Variants in BPIFB1 observed in about 807,000 individuals in gnomAD.
BPIFB1 encodes BPI fold containing family B member 1, also known as BPI fold-containing family B member 1.
In BPIFB1, 34 loss-of-function variants were observed where a neutral mutation model predicts 55.1. That is an observed-to-expected ratio of 0.62 (90% CI 0.47 to 0.82). The LOEUF is 0.82. Among genes scored for constraint, BPIFB1 ranks in the 40% least tolerant of loss-of-function variants. BPIFB1 has a pLI of 0.00. For synonymous variants in BPIFB1, 236 were observed against 245.3 expected (o/e 0.96, Z 0.35); for missense variants, 532 against 593.1 (o/e 0.90, Z 1.07).
In BPIFB1 at chr20:33,302,432, G is replaced by T. The variant is rs1305884172; in HGVS notation, c.981+20G>T. Reference sequence around the variant, plus strand: ...GAAAAGGTTGGTCTGTTTGCCATCTGCAGCTTGAGGGGTGTTTGCTGTGGT... The same window carrying T: ...GAAAAGGTTGGTCTGTTTGCCATCTTCAGCTTGAGGGGTGTTTGCTGTGGT... On this transcript the variant is annotated intron_variant, in intron 10 of 15. Coordinates refer to ENST00000253354, the MANE Select transcript of BPIFB1 (RefSeq NM_033197.3). 6.2e-7 allele frequency: 1 copy of T among 1,613,752 alleles called. No homozygotes were observed. The highest frequency in any genetic ancestry group is 8.5e-7 in the Non-Finnish European group (1 of 1,179,840).
chr20:33,305,977 A>G, intron 13 of BPIFB1, 25 bp from the exon 14 acceptor site: 2 of 1,613,380 alleles, frequency 1.2e-6, no homozygotes, highest in Non-Finnish European at 8.5e-7. Flanking sequence ...AACCAGGGTG[A>G]CAGTGCCCCT....
intron 1 of BPIFB1, among the ~76,000 whole-genome samples, chr20:33,283,592 C>T (rs940584306): frequency 6.6e-6 from 1 of 152,130 alleles, no homozygotes; most frequent in African/African-American, 2.4e-5. Flanking sequence ...CTCTGTCCCT[C>T]AAAGAACTCC....
intron 3 of BPIFB1, 24 bp from the exon 4 acceptor site, chr20:33,289,861 T>C: frequency 1.9e-6 from 3 of 1,598,086 alleles, no homozygotes; most frequent in Non-Finnish European, 2.6e-6. Flanking sequence ...GGCATGATTC[T>C]GATCTCTCCT....
At chr20:33,302,759 C>A in intron 10 of BPIFB1, 157 bp from the exon 11 acceptor site, 1 of 830,564 alleles carries the variant, frequency 1.2e-6, no homozygotes, top group Non-Finnish European at 1.9e-6. Context: ...GTAGGGAGAA[C>A]AACACAACAT....
chr20:33,288,611 A>T, intron 2 of BPIFB1, 130 bp from the exon 3 acceptor site: 1 of 1,071,946 alleles, frequency 9.3e-7, no homozygotes, highest in Non-Finnish European at 1.3e-6. Context: ...CCTCCACCAC[A>T]GTAGAGATGG....
intron 2 of BPIFB1, among the ~76,000 whole-genome samples, chr20:33,288,535 C>T (rs764117092): frequency 3.9e-5 from 6 of 152,186 alleles, no homozygotes; most frequent in Non-Finnish European, 7.3e-5. Context: ...GATGTGAAAA[C>T]GACCCATCTG....
chr20:33,301,151 A>C (rs1204010824), intron 8 of BPIFB1, 82 bp from the exon 9 acceptor site: 6 of 1,373,826 alleles, frequency 4.4e-6, no homozygotes, highest in Non-Finnish European at 6.0e-6. Context: ...AACAGGCTGA[A>C]TGGTGTCATT....
At position 33,291,931 on chromosome 20, in the gene BPIFB1, A is replaced by G; in HGVS notation, c.540A>G (p.Leu180=). 6.2e-7 allele frequency: 1 copy of G among 1,614,232 alleles called. No homozygotes were observed. The highest frequency in any genetic ancestry group is 1.3e-5 in the African/African-American group (1 of 75,068). Residue 180 remains leucine, a synonymous_variant, in exon 6 of 16, where the codon TTA becomes TTG. Coordinates refer to ENST00000253354, the MANE Select transcript of BPIFB1 (RefSeq NM_033197.3). ...LHKLSFLVNA[L]AKQVMNLLVP... The stretch of plus-strand genomic sequence containing the variant: ...GGCTCTCCTTCCTGGTGAACGCCTT[A>G]GCTAAGCAGGTCATGAACCTCCTAG...
chr20:33,307,838 C>G (rs1981086184), intron 15 of BPIFB1: 1 of 152,018 alleles, frequency 6.6e-6, no homozygotes, highest in Admixed American at 6.6e-5. Flanking sequence ...TGCTTGAACC[C>G]AGGAGGCGGA....
chr20:33,290,018 G>T, intron 4 of BPIFB1, 26 bp downstream of exon 4: 1 of 1,569,286 alleles, frequency 6.4e-7, no homozygotes, highest in East Asian at 2.2e-5. Flanking sequence ...ATCAAGTACA[G>T]TAGGCTTGAC....
At chr20:33,295,658 A>C (rs60455131) in intron 6 of BPIFB1, among the ~76,000 whole-genome samples, 225 of 141,896 alleles carry the variant, frequency 1.6e-3, no homozygotes, top group African/African-American at 6.0e-3. Flanking sequence ...GAAAGAAAGA[A>C]AGAGAGAAAG....
intron 4 of BPIFB1, 146 bp from the exon 5 acceptor site, chr20:33,290,811 C>A: frequency 2.4e-6 from 2 of 840,870 alleles, no homozygotes; most frequent in African/African-American, 1.7e-5. Flanking sequence ...CTGGGACATG[C>A]TGGGGTGAAG....
At position 33,306,893 on chromosome 20, in the gene BPIFB1, C is replaced by A; in HGVS notation, c.1319-18C>A. On this transcript the variant is annotated intron_variant, in intron 14 of 15. Coordinates refer to ENST00000253354, the MANE Select transcript of BPIFB1 (RefSeq NM_033197.3). ...TCACCCCAGGCCCATCAGTTTCTGA[C>A]CACATTTGTTATTTCAGGCAAATTA... 1.9e-6 allele frequency: 3 copies of A among 1,609,626 alleles called. No homozygotes were observed. Among genetic ancestry groups the A allele is most frequent in the East Asian group, 4.5e-5 (2 of 44,872 alleles).
In BPIFB1 at chr20:33,309,816, T is replaced by G; in HGVS notation, c.*49T>G. ...GAAGGCTGGGTCCCAGCTGGGAGTA[T>G]GGGTGTGAGCTCTATAGACCATCCC... On this transcript the variant is annotated 3_prime_UTR_variant, in exon 16 of 16. Coordinates refer to ENST00000253354, the MANE Select transcript of BPIFB1 (RefSeq NM_033197.3). This position sits in a 1 kb window ranked among gnomAD's most constrained non-coding sequence, Gnocchi z 4.4. 6.5e-7 allele frequency: 1 copy of G among 1,526,934 alleles called. No homozygotes were observed. The highest frequency in any genetic ancestry group is 1.1e-5 in the South Asian group (1 of 89,070). 94.6% of individuals were successfully genotyped at this position (1,526,934 alleles called of 1,614,324 possible).
intron 14 of BPIFB1, 27 bp from the exon 15 acceptor site, chr20:33,306,884 A>C: frequency 1.3e-6 from 2 of 1,597,522 alleles, no homozygotes; most frequent in Non-Finnish European, 1.7e-6. Flanking sequence ...CAGGCCCATC[A>C]GTTTCTGACC....
intron 6 of BPIFB1, among the ~76,000 whole-genome samples, chr20:33,293,276 A>AG (rs397740909): frequency 6.6e-6 from 1 of 152,080 alleles, no homozygotes; most frequent in African/African-American, 2.4e-5. Flanking sequence ...GGGAAAAAAA[A>AG]TCCATAATCC....
chr20:33,308,554 A>G (rs1469246124), intron 15 of BPIFB1, among the ~76,000 whole-genome samples: 1 of 140,918 alleles, frequency 7.1e-6, no homozygotes, highest in African/African-American at 2.7e-5. Flanking sequence ...ACACCTTTAT[A>G]CACCTATACA....
At chr20:33,299,751 G>T in intron 7 of BPIFB1, 148 bp from the exon 8 acceptor site, 2 of 662,248 alleles carry the variant, frequency 3.0e-6, no homozygotes, top group Admixed American at 2.2e-5. Context: ...ATCACTGTTT[G>T]CATCATTATT....
chr20:33,286,241 G>A (rs2146525113), intron 2 of BPIFB1, 53 bp downstream of exon 2: 2 of 1,501,004 alleles, frequency 1.3e-6, no homozygotes, highest in Middle Eastern at 1.7e-4. Context: ...GGTAGGTGGA[G>A]CAGCTTCCCA....
Sources: gnomAD v4.1 joint callset for allele counts (sites outside exome capture counted in the v4.1 genomes callset) on GRCh38, gnomAD v4.1.1 for gene constraint, Gnocchi (gnomAD v3.1) non-coding constraint, MANE v1.5 for transcripts, NCBI Gene and HGNC (gene_info 2026-07-23, HGNC 2026-07-21) for gene names.